The following TM2D1 variants were observed in gnomAD, a reference collection of about 807,000 sequenced individuals.
The protein encoded by TM2D1 is TM2 domain-containing protein 1.
TM2D1 carries 15 observed loss-of-function variants against 28.4 expected under a neutral mutation model. That is an observed-to-expected ratio of 0.53 (90% CI 0.35 to 0.81). The LOEUF is 0.81. Ranked by LOEUF, TM2D1 falls within the 40% of genes least tolerant of loss-of-function variation. TM2D1 has a pLI of 0.01. For synonymous variants in TM2D1, 93 were observed against 96.2 expected (o/e 0.97, Z 0.20); for missense variants, 236 against 254.9 (o/e 0.93, Z 0.50).
chr1:61,717,469 C>A (rs958907223), intron 2 of TM2D1, among the ~76,000 whole-genome samples: 15 of 152,014 alleles, frequency 9.9e-5, no homozygotes, highest in Non-Finnish European at 1.5e-4. Context: ...AGTTTTCTTG[C>A]AAAAAGGTTT....
intron 5 of TM2D1, among the ~76,000 whole-genome samples, chr1:61,691,932 A>AAAAAAAAAAAAT: frequency 1.0e-4 from 8 of 76,404 alleles, no homozygotes; most frequent in African/African-American, 3.8e-4. Context: ...AAAAAAAAAA[A>AAAAAAAAAAAAT]ATATATATAT....
At chr1:61,697,356 CCCTT>C (rs1380479501) in intron 4 of TM2D1, among the ~76,000 whole-genome samples, 5 of 151,022 alleles carry the variant, frequency 3.3e-5, no homozygotes, top group Admixed American at 3.3e-4. Flanking sequence ...TTTCCTTCTT[CCCTT>C]CCTTCTTTCC....
chr1:61,702,337 A>G (rs2148049839), intron 3 of TM2D1, among the ~76,000 whole-genome samples: 1 of 151,932 alleles, frequency 6.6e-6, no homozygotes, highest in East Asian at 1.9e-4. Context: ...TAATATATAT[A>G]AAGATGGTAA....
intron 4 of TM2D1, chr1:61,698,061 T>C (rs1343213951): frequency 6.6e-6 from 1 of 152,248 alleles, no homozygotes; most frequent in African/African-American, 2.4e-5. Flanking sequence ...CATATTTCTA[T>C]GTGATTGTTT....
intron 3 of TM2D1, among the ~76,000 whole-genome samples, chr1:61,701,886 A>G (rs1027874116): frequency 6.6e-6 from 1 of 152,154 alleles, no homozygotes; most frequent in Non-Finnish European, 1.5e-5. Flanking sequence ...ATGAGGGAAA[A>G]GGAGAAGTCA....
rs1323787197 is a variant in TM2D1, at chr1:61,694,711, G to T, written c.499C>A (p.Leu167Ile). ...GAGAAACTTACCTGCATTGAAATAA[G>T]AATGAAATCAATTAGGCTCCCAATT... ...CGIGSLIDFI[L>I]ISMQIVGPSD... Residue 167 changes from leucine (L) to isoleucine (I), a missense_variant, in exon 5 of 7, where the codon CTT becomes ATT. Physicochemically the swap from Leu to Ile is conservative, Grantham distance 5. This residue lies in a region of TM2D1 where 64 missense variants were observed against 73.1 expected (regional missense o/e 0.88). Coordinates refer to ENST00000606498, the MANE Select transcript of TM2D1 (RefSeq NM_032027.3). 1.6e-5 allele frequency: 25 copies of T among 1,602,088 alleles called. No individual in the cohort carries two copies. The highest frequency in any genetic ancestry group is 2.0e-5 in the Non-Finnish European group (23 of 1,174,270).
chr1:61,721,442 T>C (rs1289601375), intron 2 of TM2D1, among the ~76,000 whole-genome samples: 3 of 150,438 alleles, frequency 2.0e-5, no homozygotes, highest in African/African-American at 7.4e-5. Context: ...CTTGGGAGGC[T>C]GAGGCAGGAG....
chr1:61,701,556 C>CGTGTGTGTGTGT (rs60257971), intron 3 of TM2D1, among the ~76,000 whole-genome samples: 3,365 of 145,910 alleles, frequency 0.023, 119 homozygotes, highest in African/African-American at 0.078. Flanking sequence ...AATTCTCTTT[C>CGTGTGTGTGTGT]GTGTGTGTGT....
chr1:61,700,050 T>C (rs907616577), intron 4 of TM2D1: 4 of 1,308,510 alleles, frequency 3.1e-6, no homozygotes, highest in Non-Finnish European at 3.9e-6. Context: ...AGTGAAGGGC[T>C]AATATAGAAG....
intron 2 of TM2D1, among the ~76,000 whole-genome samples, chr1:61,722,544 C>T (rs76718234): frequency 0.041 from 6,263 of 151,904 alleles, 438 homozygotes; most frequent in African/African-American, 0.14. Flanking sequence ...AATTTTTCTA[C>T]TTTTAGTAGA....
chr1:61,723,982 C>T (rs1364678302), intron 1 of TM2D1, among the ~76,000 whole-genome samples, 196 bp from the exon 2 acceptor site: 1 of 152,112 alleles, frequency 6.6e-6, no homozygotes, highest in African/African-American at 2.4e-5. Flanking sequence ...ATCACTGGAG[C>T]CCAGGAGTTT....
chr1:61,689,403 G>A (rs12070090), intron 5 of TM2D1, among the ~76,000 whole-genome samples: 1,720 of 152,156 alleles, frequency 0.011, 25 homozygotes, highest in African/African-American at 0.039. Flanking sequence ...TCACTCTGTT[G>A]CTCATGCTAG....
At chr1:61,698,481 C>T (rs1273207716) in intron 4 of TM2D1, 1 of 151,812 alleles carries the variant, frequency 6.6e-6, no homozygotes, top group Non-Finnish European at 1.5e-5. Flanking sequence ...TCACTTGAAC[C>T]CAGGAGGCAG....
intron 3 of TM2D1, among the ~76,000 whole-genome samples, chr1:61,707,268 T>C (rs1345802464): frequency 1.3e-5 from 2 of 152,066 alleles, no homozygotes; most frequent in Non-Finnish European, 1.5e-5. Flanking sequence ...AAATATAAAA[T>C]AAAAAATGCT....
intron 5 of TM2D1, among the ~76,000 whole-genome samples, chr1:61,687,376 C>T (rs968990066): frequency 2.6e-5 from 4 of 152,142 alleles, no homozygotes; most frequent in African/African-American, 7.2e-5. Flanking sequence ...ACTAACTGTA[C>T]ACTTAAAGAT....
rs775783339 is a variant in TM2D1 at position 61,700,933 on chromosome 1, C to A, written c.439+1G>T. ...ATTTTTTTTTAATGAAACATACGCACCCAAAGCAGGGTATCCAAGGTAAAA... is the reference window on the plus strand; with the variant it reads ...ATTTTTTTTTAATGAAACATACGCAACCAAAGCAGGGTATCCAAGGTAAAA... On this transcript the variant is annotated splice_donor_variant, in intron 4 of 6. Transcript: ENST00000606498. LOFTEE classifies it high-confidence loss of function. The A allele has an allele frequency of 6.9e-6, 11 of 1,604,092 alleles. No individual in the cohort carries two copies. The highest frequency in any genetic ancestry group is 9.4e-6 in the Non-Finnish European group (11 of 1,176,096).
At chr1:61,682,275 CCTGT>C (rs2148029154) in intron 6 of TM2D1, among the ~76,000 whole-genome samples, 1 of 152,180 alleles carries the variant, frequency 6.6e-6, no homozygotes, top group Admixed American at 6.5e-5. Flanking sequence ...AGACATCTAC[CCTGT>C]CTTTCTCTCT....
intron 2 of TM2D1, among the ~76,000 whole-genome samples, chr1:61,716,569 G>A (rs899581259): frequency 2.1e-5 from 3 of 141,450 alleles, no homozygotes; most frequent in African/African-American, 5.1e-5. Flanking sequence ...TTTTATATAT[G>A]TATATAATTT....
chr1:61,685,948 G>C (rs945122644), intron 5 of TM2D1, among the ~76,000 whole-genome samples: 1 of 152,166 alleles, frequency 6.6e-6, no homozygotes, highest in African/African-American at 2.4e-5. Context: ...AGGAGTTCAA[G>C]GTTGCAGTGA....
Sources: allele counts gnomAD v4.1 joint callset (sites outside exome capture counted in the v4.1 genomes callset), GRCh38; gene constraint gnomAD v4.1.1; regional missense constraint gnomAD v4.1.1; transcripts MANE v1.5; gene names NCBI Gene and HGNC (gene_info 2026-07-23, HGNC 2026-07-21).